TRIM66: variants seen among roughly 807,000 people sequenced by gnomAD.
TRIM66 encodes the protein tripartite motif containing 66.
In TRIM66, 99 loss-of-function variants were observed where a neutral mutation model predicts 148.2. The ratio of observed to expected loss-of-function variants is 0.67; its 90% CI spans 0.57 to 0.79. The LOEUF (loss-of-function observed/expected upper bound fraction) is 0.79. TRIM66 is among the 30% of genes least tolerant of loss of function. The pLI, the probability that TRIM66 is intolerant of heterozygous loss-of-function variation, is 0.00. For missense variants in TRIM66, 1,666 were observed against 1,697.9 expected, an observed-to-expected ratio of 0.98 and a Z score of 0.33; for synonymous variants, 616 against 635.9, an observed-to-expected ratio of 0.97 and a Z score of 0.47.
chr11:8,674,158 C>T (rs889115215), intron 4 of TRIM66, among the ~76,000 whole-genome samples: 2 of 152,186 alleles, frequency 1.3e-5, no homozygotes, highest in Admixed American at 1.3e-4. Flanking sequence ...AATCCCTTTA[C>T]ATATGTTTAC....
chr11:8,671,274 C>T (rs933746624), intron 6 of TRIM66, among the ~76,000 whole-genome samples: 2 of 152,180 alleles, frequency 1.3e-5, no homozygotes, highest in Non-Finnish European at 2.9e-5. Flanking sequence ...TGAAGTGACC[C>T]GGTTCCCGTC....
At chr11:8,644,416 C>T (rs997294579) in intron 12 of TRIM66, 5 of 454,410 alleles carry the variant, frequency 1.1e-5, no homozygotes, top group African/African-American at 1.0e-4. Flanking sequence ...TTTTAACCCT[C>T]TTATTATCAC....
At chr11:8,675,350 A>G (rs2039126744) in intron 3 of TRIM66, among the ~76,000 whole-genome samples, 1 of 152,238 alleles carries the variant, frequency 6.6e-6, no homozygotes, top group South Asian at 2.1e-4. Context: ...AATATCGGAC[A>G]AATTCCCAAG....
At chr11:8,682,823 G>A (rs1420801646), upstream of TRIM66, 3 of 1,612,190 alleles carry the variant, frequency 1.9e-6, no homozygotes, top group East Asian at 2.2e-5. Context: ...CATGGTAGGT[G>A]TTTCGTTTCT....
intron 12 of TRIM66, 131 bp downstream of exon 12, chr11:8,645,610 C>T: frequency 9.6e-7 from 1 of 1,041,794 alleles, no homozygotes; most frequent in Non-Finnish European, 1.4e-6. Context: ...ATGGATGGAG[C>T]TGCTATGTTA....
At chr11:8,677,413 T>G (rs1038590126) in intron 3 of TRIM66, among the ~76,000 whole-genome samples, 1 of 152,170 alleles carries the variant, frequency 6.6e-6, no homozygotes, top group African/African-American at 2.4e-5. Flanking sequence ...TCTCATTATT[T>G]TTTCATTATA....
chr11:8,619,408 A>T lies in TRIM66; in HGVS notation c.3875T>A (p.Phe1292Tyr). Residue 1292 changes from phenylalanine to tyrosine, a missense_variant, in exon 23 of 25, where the codon TTC becomes TAC. Physicochemically the swap from Phe to Tyr is conservative, Grantham distance 22. Around this residue, in one of 3 missense-constraint regions of TRIM66, gnomAD observed 204 missense variants for 231.0 expected, o/e 0.88. Transcript: ENST00000646038. ...EEVVSDVRLMFWNCAKFNYPD... is the reference protein window; with the variant it reads ...EEVVSDVRLMYWNCAKFNYPD... ...ATAATTGAACTTAGCACAGTTCCAG[A>T]ACATGAGGCGCACATCTGATACCAC... is the stretch of plus-strand genomic sequence containing the variant. 1 of 1,528,444 alleles carries T rather than the reference A, an allele frequency of 6.5e-7. No homozygotes were observed. The highest frequency in any genetic ancestry group is 1.3e-5 in the South Asian group (1 of 79,666). 94.7% of individuals were successfully genotyped at this position (1,528,444 alleles called of 1,614,324 possible).
chr11:8,667,730 C>T (rs2038689981), intron 6 of TRIM66, among the ~76,000 whole-genome samples: 1 of 152,224 alleles, frequency 6.6e-6, no homozygotes, highest in Non-Finnish European at 1.5e-5. Flanking sequence ...CATGTTGTAG[C>T]ATGTGTCAGA....
chr11:8,651,990 C>G, intron 6 of TRIM66, 87 bp from the exon 7 acceptor site: 1 of 1,062,268 alleles, frequency 9.4e-7, no homozygotes, highest in Non-Finnish European at 1.4e-6. Flanking sequence ...ATACACAACA[C>G]CAAGATACAT....
chr11:8,662,476 G>T (rs1382636258), intron 6 of TRIM66, among the ~76,000 whole-genome samples: 5 of 152,172 alleles, frequency 3.3e-5, no homozygotes. Flanking sequence ...CGGGGATGCT[G>T]TCACTCTTCA....
intron 17 of TRIM66, 78 bp from the exon 18 acceptor site, chr11:8,622,954 T>C (rs1003282180): frequency 8.0e-7 from 1 of 1,251,950 alleles, no homozygotes; most frequent in African/African-American, 1.5e-5. Flanking sequence ...TCTACTTATA[T>C]CTGCTATTCA....
intron 6 of TRIM66, among the ~76,000 whole-genome samples, chr11:8,670,579 C>A (rs980387753): frequency 3.0e-4 from 46 of 151,966 alleles, no homozygotes; most frequent in Admixed American, 9.8e-4. Flanking sequence ...GGAGTACTTA[C>A]AAAGAAAATA....
chr11:8,634,957 G>A (rs1412911681), intron 15 of TRIM66, among the ~76,000 whole-genome samples: 1 of 152,178 alleles, frequency 6.6e-6, no homozygotes, highest in Admixed American at 6.5e-5. Context: ...GGCTGGGAGT[G>A]GGATGGAGGA....
intron 15 of TRIM66, among the ~76,000 whole-genome samples, chr11:8,635,830 A>G (rs556565574): frequency 6.7e-4 from 102 of 152,290 alleles, no homozygotes; most frequent in South Asian, 6.2e-4. Flanking sequence ...TCACACAAGC[A>G]GCACTGACTC....
intron 7 of TRIM66, among the ~76,000 whole-genome samples, chr11:8,651,113 C>A (rs924917612): frequency 4.6e-5 from 7 of 152,156 alleles, no homozygotes; most frequent in African/African-American, 1.7e-4. Context: ...ACAGAGGCCA[C>A]CAAACTGATG....
chr11:8,645,403 T>C (rs2036758732), intron 12 of TRIM66, among the ~76,000 whole-genome samples: 1 of 152,170 alleles, frequency 6.6e-6, no homozygotes, highest in Non-Finnish European at 1.5e-5. Flanking sequence ...TAACTTTCTA[T>C]GAGATGCCCA....
intron 6 of TRIM66, among the ~76,000 whole-genome samples, chr11:8,655,024 C>A (rs772004032): frequency 2.0e-5 from 3 of 152,058 alleles, no homozygotes; most frequent in Non-Finnish European, 4.4e-5. Context: ...CTACGCCTGG[C>A]TATTTTTGTA....
intron 7 of TRIM66, among the ~76,000 whole-genome samples, chr11:8,650,994 T>G (rs897064650): frequency 6.6e-6 from 1 of 152,192 alleles, no homozygotes; most frequent in African/African-American, 2.4e-5. Flanking sequence ...CCTAGGCCTC[T>G]CCTAGTCCAA....
At chr11:8,621,376 G>T in intron 19 of TRIM66, 55 bp from the exon 20 acceptor site, 1 of 1,497,360 alleles carries the variant, frequency 6.7e-7, no homozygotes. Flanking sequence ...AAGCTCTCGA[G>T]GGAGGGGAGG....
Sources: gnomAD v4.1 joint callset for allele counts (sites outside exome capture counted in the v4.1 genomes callset) on GRCh38, gnomAD v4.1.1 for gene constraint, gnomAD v4.1.1 regional missense constraint, MANE v1.5 for transcripts, NCBI Gene and HGNC (gene_info 2026-07-23, HGNC 2026-07-21) for gene names.